The following PPP3CA variants were observed in gnomAD, a reference collection of about 807,000 sequenced individuals.
The protein encoded by PPP3CA is protein phosphatase 3 catalytic subunit alpha.
Under a neutral mutation model 66.5 loss-of-function variants are expected in PPP3CA, and 14 were observed. The ratio of observed to expected loss-of-function variants is 0.21; its 90% CI spans 0.14 to 0.33. The LOEUF (loss-of-function observed/expected upper bound fraction) is 0.33. Among genes scored for constraint, PPP3CA ranks in the 10% least tolerant of loss-of-function variants. PPP3CA has a pLI of 1.00. For synonymous variants in PPP3CA, 232 were observed against 226.2 expected, an observed-to-expected ratio of 1.03 and a Z score of -0.23; for missense variants, 317 against 639.5, an observed-to-expected ratio of 0.50 and a Z score of 5.44.
intron 1 of PPP3CA, among the ~76,000 whole-genome samples, chr4:101,215,216 G>A (rs1369594754): frequency 2.0e-5 from 3 of 151,828 alleles, no homozygotes; most frequent in Non-Finnish European, 4.4e-5. Flanking sequence ...AATGTAGTAT[G>A]TGCGTTGAAG....
intron 2 of PPP3CA, among the ~76,000 whole-genome samples, chr4:101,150,481 T>C (rs1723102994): frequency 6.6e-6 from 1 of 152,178 alleles, no homozygotes; most frequent in African/African-American, 2.4e-5. Context: ...TAACATCCTA[T>C]TTGCCTCACT....
At chr4:101,160,862 T>C (rs1723482526) in intron 2 of PPP3CA, among the ~76,000 whole-genome samples, 1 of 152,142 alleles carries the variant, frequency 6.6e-6, no homozygotes, top group Non-Finnish European at 1.5e-5. Context: ...ACTTGGGATA[T>C]TAGATCTGCT....
chr4:101,023,994 T>C lies in PPP3CA; in HGVS notation c.*1871A>G, dbSNP rs543517766. Reference sequence around the variant, plus strand: ...AGTACTTTTTGCTTTAGCAGATAGATAGGGCATCCAATACAACTGAAACAA... The same window carrying C: ...AGTACTTTTTGCTTTAGCAGATAGACAGGGCATCCAATACAACTGAAACAA... On this transcript the variant is annotated 3_prime_UTR_variant, in exon 14 of 14. Coordinates refer to ENST00000394854, the MANE Select transcript of PPP3CA (RefSeq NM_000944.5). The C allele has an allele frequency of 6.6e-6, 1 of 152,504 alleles. No homozygotes were observed. The highest frequency in any genetic ancestry group is 6.5e-5 in the Admixed American group (1 of 15,288). 9.4% of individuals were successfully genotyped at this position (152,504 alleles called of 1,614,324 possible).
At chr4:101,027,252 A>T in intron 13 of PPP3CA, among the ~76,000 whole-genome samples, 1 of 140,382 alleles carries the variant, frequency 7.1e-6, no homozygotes, top group Admixed American at 7.0e-5. Flanking sequence ...TCCCAACCTT[A>T]TTTGGGGGGG....
At chr4:101,134,469 A>C (rs2110285739) in intron 2 of PPP3CA, among the ~76,000 whole-genome samples, 1 of 152,388 alleles carries the variant, frequency 6.6e-6, no homozygotes, top group Middle Eastern at 3.4e-3. Flanking sequence ...TTATGTGGCC[A>C]ACAAACAAAA....
chr4:101,047,931 T>C (rs1394717440), intron 10 of PPP3CA, among the ~76,000 whole-genome samples: 1 of 152,130 alleles, frequency 6.6e-6, no homozygotes, highest in African/African-American at 2.4e-5. Flanking sequence ...TAACATATGA[T>C]AATTATTCAT....
intron 1 of PPP3CA, among the ~76,000 whole-genome samples, chr4:101,241,495 C>A (rs2110234223): frequency 6.6e-6 from 1 of 152,110 alleles, no homozygotes; most frequent in East Asian, 1.9e-4. Flanking sequence ...AATTTCTAAA[C>A]CTGAAATCAA....
chr4:101,209,526 C>T (rs1409453353), intron 1 of PPP3CA, among the ~76,000 whole-genome samples: 3 of 152,066 alleles, frequency 2.0e-5, no homozygotes. Context: ...GAAGCAAAGA[C>T]AAAATTTTGG....
At chr4:101,229,236 TACACTCAC>T (rs1200042736) in intron 1 of PPP3CA, among the ~76,000 whole-genome samples, 1 of 150,200 alleles carries the variant, frequency 6.7e-6, no homozygotes, top group Non-Finnish European at 1.5e-5. Flanking sequence ...TTCATTATTT[TACACTCAC>T]ACACACACAC....
At chr4:101,241,302 C>G (rs903490740) in intron 1 of PPP3CA, among the ~76,000 whole-genome samples, 4 of 152,210 alleles carry the variant, frequency 2.6e-5, no homozygotes, top group Non-Finnish European at 4.4e-5. Flanking sequence ...TTTTTCCTAG[C>G]TGCTTCATAG....
At chr4:101,283,263 T>C (rs1289474977) in intron 1 of PPP3CA, among the ~76,000 whole-genome samples, 1 of 152,196 alleles carries the variant, frequency 6.6e-6, no homozygotes, top group East Asian at 1.9e-4. Flanking sequence ...CTATCCCTAA[T>C]GTGGCAAATA....
rs377231448 is a variant in PPP3CA at position 101,273,555 on chromosome 4, G to A, written c.58+73184C>T. 1.3e-3 allele frequency among the ~76,000 whole-genome samples: 198 copies of A among 152,282 alleles called. 1 individual carries two copies. Among genetic ancestry groups the A allele is most frequent in the African/African-American group, 4.7e-3 (194 of 41,572 alleles). On this transcript the variant is annotated intron_variant, in intron 1 of 13. Transcript: ENST00000394854. ...TTGGCCAGGCTGGTCTCGAACTCCT[G>A]ACCTTGTGATCTGCCCACCTCGGCC...
chr4:101,300,829 T>G (rs34986310), intron 1 of PPP3CA, among the ~76,000 whole-genome samples: 40,159 of 152,116 alleles, frequency 0.26, 7,156 homozygotes, highest in Non-Finnish European at 0.39. Flanking sequence ...AATGTCATTC[T>G]GGATTGTACT....
At chr4:101,106,490 GA>G (rs1730756386) in intron 3 of PPP3CA, among the ~76,000 whole-genome samples, 1 of 61,542 alleles carries the variant, frequency 1.6e-5, no homozygotes, top group African/African-American at 1.3e-4. Flanking sequence ...GAAAAGAAAA[GA>G]AAAGAAAAGA....
intron 1 of PPP3CA, among the ~76,000 whole-genome samples, chr4:101,254,153 GT>G (rs1249436248): frequency 6.6e-6 from 1 of 151,944 alleles, no homozygotes; most frequent in Non-Finnish European, 1.5e-5. Flanking sequence ...TGTTCTTCCA[GT>G]TACAATTTAG....
chr4:101,316,673 A>G (rs1728894418), intron 1 of PPP3CA, among the ~76,000 whole-genome samples: 1 of 152,220 alleles, frequency 6.6e-6, no homozygotes, highest in South Asian at 2.1e-4. Flanking sequence ...AAATGCAAAT[A>G]TTGATAAGCA....
intron 1 of PPP3CA, among the ~76,000 whole-genome samples, chr4:101,288,855 C>A (rs1727927947): frequency 6.6e-6 from 1 of 152,040 alleles, no homozygotes; most frequent in Non-Finnish European, 1.5e-5. Context: ...AGAAAACACA[C>A]ACACACATAT....
chr4:101,347,215 G>A lies in PPP3CA; in HGVS notation c.-419C>T, dbSNP rs1397513444. ...CGCGCGCACACACGGCCAGGATTAAGACCGATCACATGGGGAAGGCCGGGG... is the reference window on the plus strand; with the variant it reads ...CGCGCGCACACACGGCCAGGATTAAAACCGATCACATGGGGAAGGCCGGGG... On this transcript the variant is annotated 5_prime_UTR_variant, in exon 1 of 14. Transcript: ENST00000394854. 2 of 242,372 alleles carry A rather than the reference G, an allele frequency of 8.3e-6. No individual in the cohort carries two copies. Among genetic ancestry groups the A allele is most frequent in the Non-Finnish European group, 1.6e-5 (2 of 126,000 alleles). The allele number at this position is 242,372 out of a possible 1,614,324, so 15.0% of individuals were successfully genotyped here. A position where few individuals can be genotyped will look rare whatever the true frequency, so the allele number is the denominator to read the frequency against.
In PPP3CA at chr4:101,294,833, G is replaced by A. The variant is rs545407429; in HGVS notation, c.58+51906C>T. 1.0e-3 allele frequency among the ~76,000 whole-genome samples: 153 copies of A among 150,634 alleles called. 1 individual carries two copies. Among genetic ancestry groups the A allele is most frequent in the Non-Finnish European group, 2.1e-3 (139 of 67,788 alleles). ...GATGAAAAATAACTACAGACATTGCGAAACCCACCCGCTTCCTGCACCAGA... is the reference window on the plus strand; with the variant it reads ...GATGAAAAATAACTACAGACATTGCAAAACCCACCCGCTTCCTGCACCAGA... On this transcript the variant is annotated intron_variant, in intron 1 of 13. Coordinates refer to ENST00000394854, the MANE Select transcript of PPP3CA (RefSeq NM_000944.5).
Sources: allele counts gnomAD v4.1 joint callset (sites outside exome capture counted in the v4.1 genomes callset), GRCh38; gene constraint gnomAD v4.1.1; transcripts MANE v1.5; gene names NCBI Gene and HGNC (gene_info 2026-07-23, HGNC 2026-07-21).